KIRREL3: variants seen among roughly 807,000 people sequenced by gnomAD.
KIRREL3 encodes the protein kin of IRRE-like protein 3.
KIRREL3 carries 36 observed loss-of-function variants against 89.7 expected under a neutral mutation model. The observed-to-expected ratio is 0.40, with a 90% CI of 0.31 to 0.53. The LOEUF (loss-of-function observed/expected upper bound fraction) is 0.53. KIRREL3 is among the 20% of genes least tolerant of loss of function. The pLI is 0.49. For synonymous variants in KIRREL3, 445 were observed against 441.4 expected, an observed-to-expected ratio of 1.01 and a Z score of -0.10; for missense variants, 864 against 1,056.6, an observed-to-expected ratio of 0.82 and a Z score of 2.53.
chr11:126,962,826 C>A (rs1218675559), intron 1 of KIRREL3, among the ~76,000 whole-genome samples: 1 of 152,122 alleles, frequency 6.6e-6, no homozygotes, highest in Non-Finnish European at 1.5e-5. Flanking sequence ...AACCACCACC[C>A]TGATCAGTCA....
chr11:126,937,939 G>A (rs1351347910), intron 1 of KIRREL3, among the ~76,000 whole-genome samples: 19 of 152,124 alleles, frequency 1.2e-4, no homozygotes, highest in Non-Finnish European at 2.4e-4. Context: ...CAGTCATGTT[G>A]GTACTGCCAG....
At chr11:126,930,898 C>T (rs910484107) in intron 1 of KIRREL3, among the ~76,000 whole-genome samples, 8 of 152,210 alleles carry the variant, frequency 5.3e-5, no homozygotes, top group African/African-American at 1.7e-4. Context: ...TCCATTGCCT[C>T]CTCTGTACAT....
chr11:126,468,302 C>T (rs1163538460), intron 5 of KIRREL3, among the ~76,000 whole-genome samples: 1 of 152,224 alleles, frequency 6.6e-6, no homozygotes, highest in African/African-American at 2.4e-5. Context: ...CCCAGACAGC[C>T]CAGGGTTGAG....
chr11:126,597,946 G>GT (rs1942478387), intron 1 of KIRREL3, among the ~76,000 whole-genome samples: 17 of 152,212 alleles, frequency 1.1e-4, no homozygotes, highest in Admixed American at 1.1e-3. Context: ...ATCCTATGAG[G>GT]ATTGTACAGT....
Position 126,991,288 on chromosome 11 carries a change from T to A in KIRREL3, c.55+9167A>T, listed in dbSNP as rs1950028406. On this transcript the variant is annotated intron_variant, in intron 1 of 16. Coordinates refer to ENST00000525144, the MANE Select transcript of KIRREL3 (RefSeq NM_032531.4). This position sits in a 1 kb window ranked among gnomAD's most constrained non-coding sequence, Gnocchi z 5.8. ...GGGGCCCTCTCAGCATCTCTCCATG[T>A]GCTGATATTACAAGCACTGCTGGCT... is the stretch of plus-strand genomic sequence containing the variant. Among the ~76,000 whole-genome samples the A allele has an allele frequency of 6.6e-6, 1 of 152,146 alleles. No homozygotes were observed. The highest frequency in any genetic ancestry group is 1.5e-5 in the Non-Finnish European group (1 of 68,032).
In KIRREL3 at chr11:126,908,639, G is replaced by T. The variant is rs1056454207; in HGVS notation, c.55+91816C>A. On this transcript the variant is annotated intron_variant, in intron 1 of 16. Coordinates refer to ENST00000525144, the MANE Select transcript of KIRREL3 (RefSeq NM_032531.4). This position sits in a 1 kb window ranked among gnomAD's most constrained non-coding sequence, Gnocchi z 4.2. ...GAAAGTCACAAAAGGTAAGTGATTT[G>T]CTCAAAATCACAAATTCATTCATTT... Among the ~76,000 whole-genome samples, 4 of 152,192 alleles carry T rather than the reference G, an allele frequency of 2.6e-5. No individual in the cohort carries two copies. The highest frequency in any genetic ancestry group is 5.9e-5 in the Non-Finnish European group (4 of 68,030).
In KIRREL3 at chr11:126,606,920, G is replaced by C. The variant is rs914255873; in HGVS notation, c.56-44008C>G. Among the ~76,000 whole-genome samples the C allele has an allele frequency of 8.5e-5, 13 of 152,082 alleles. No homozygotes were observed. The highest frequency in any genetic ancestry group is 3.1e-4 in the African/African-American group (13 of 41,410). On this transcript the variant is annotated intron_variant, in intron 1 of 16. Coordinates refer to ENST00000525144, the MANE Select transcript of KIRREL3 (RefSeq NM_032531.4). The surrounding 1 kb of genome is among the most constrained non-coding windows in gnomAD (Gnocchi z 4.6). ...GAAAGGGGAGAAGCTCAGATGATGG[G>C]AAGGGGCGGGGGTGGCCAGGCAGTG... is the stretch of plus-strand genomic sequence containing the variant.
chr11:126,787,616 T>C (rs1950521085), intron 1 of KIRREL3, among the ~76,000 whole-genome samples: 1 of 152,236 alleles, frequency 6.6e-6, no homozygotes, highest in South Asian at 2.1e-4. Flanking sequence ...GTTCTTTCAA[T>C]TCCTTGGTTA....
intron 1 of KIRREL3, among the ~76,000 whole-genome samples, chr11:126,800,945 G>A (rs778141824): frequency 3.3e-5 from 5 of 152,184 alleles, no homozygotes; most frequent in African/African-American, 9.7e-5. Flanking sequence ...GCTGTTGGAG[G>A]TTGGTGAGGG....
intron 1 of KIRREL3, among the ~76,000 whole-genome samples, chr11:126,602,483 C>T (rs1004015687): frequency 2.6e-5 from 4 of 152,232 alleles, no homozygotes; most frequent in Non-Finnish European, 1.5e-5. Context: ...CACAACCATC[C>T]TGTGCTGTCA....
At chr11:126,436,135 A>G (rs1955325232) in intron 12 of KIRREL3, among the ~76,000 whole-genome samples, 2 of 152,176 alleles carry the variant, frequency 1.3e-5, no homozygotes, top group African/African-American at 4.8e-5. Flanking sequence ...ACGGGGGCAC[A>G]GTGGGGTGAG....
At chr11:126,828,536 C>G (rs1004926673) in intron 1 of KIRREL3, among the ~76,000 whole-genome samples, 2 of 152,070 alleles carry the variant, frequency 1.3e-5, no homozygotes, top group Admixed American at 6.6e-5. Context: ...ACAGCAGGAC[C>G]AGGGGAGTGG....
chr11:126,911,982 C>CAAAAAAAAAAAAAAA (rs34548052), intron 1 of KIRREL3, among the ~76,000 whole-genome samples: 1 of 91,732 alleles, frequency 1.1e-5, no homozygotes, highest in Non-Finnish European at 2.0e-5. Flanking sequence ...GACTCTGTCT[C>CAAAAAAAAAAAAAAA]AAAAAAAAAA....
chr11:126,654,344 T>G (rs967522239), intron 1 of KIRREL3, among the ~76,000 whole-genome samples: 3 of 151,972 alleles, frequency 2.0e-5, no homozygotes, highest in Middle Eastern at 6.8e-3. Context: ...AAAGTTTTTT[T>G]TTTTTTTTTT....
Position 126,462,261 on chromosome 11 carries a change from T to C in KIRREL3, c.742+896A>G, listed in dbSNP as rs1956571979. On this transcript the variant is annotated intron_variant, in intron 6 of 16. Coordinates refer to ENST00000525144, the MANE Select transcript of KIRREL3 (RefSeq NM_032531.4). The surrounding 1 kb of genome is among the most constrained non-coding windows in gnomAD (Gnocchi z 4.8). The stretch of plus-strand genomic sequence containing the variant: ...TGGAGAGGATGTTACCAGGGTGGAC[T>C]CTGGAAATCTATGCTACCTAAGTGG... Among the ~76,000 whole-genome samples, 1 of 152,082 alleles carries C rather than the reference T, an allele frequency of 6.6e-6. No individual in the cohort carries two copies. The highest frequency in any genetic ancestry group is 1.9e-4 in the East Asian group (1 of 5,186).
At position 126,668,741 on chromosome 11, in the gene KIRREL3, C is replaced by CTTTCTTTTTCTTTCTTTCTTTCTT. The variant is rs138806999; in HGVS notation, c.56-105830_56-105829insAAGAAAGAAAGAAAGAAAAAGAAA. Among the ~76,000 whole-genome samples, 3 of 130,808 alleles carry CTTTCTTTTTCTTTCTTTCTTTCTT rather than the reference C, an allele frequency of 2.3e-5. No homozygotes were observed. Among genetic ancestry groups the CTTTCTTTTTCTTTCTTTCTTTCTT allele is most frequent in the African/African-American group, 8.3e-5 (3 of 36,124 alleles). 85.8% of individuals were successfully genotyped at this position (130,808 alleles called of 152,430 possible). ...TCTTTCTTTCTTTCTTTCTTTCTTT[C>CTTTCTTTTTCTTTCTTTCTTTCTT]TTTCTTTCTTTCTTTTTTCTCTTTC... On this transcript the variant is annotated intron_variant, in intron 1 of 16. Coordinates refer to ENST00000525144, the MANE Select transcript of KIRREL3 (RefSeq NM_032531.4). The surrounding 1 kb of genome is among the most constrained non-coding windows in gnomAD (Gnocchi z 4.4).
rs1028523836 is a variant in KIRREL3, at chr11:126,890,357, T to C, written c.55+110098A>G. On this transcript the variant is annotated intron_variant, in intron 1 of 16. Transcript: ENST00000525144. The surrounding 1 kb of genome is among the most constrained non-coding windows in gnomAD (Gnocchi z 5.1). ...ATGCCAGAGTCTAGAGGGAAGAGCT[T>C]GGGGCTCAGAGACTGAGCAGTCCTG... Among the ~76,000 whole-genome samples, 1 of 152,196 alleles carries C rather than the reference T, an allele frequency of 6.6e-6. No homozygotes were observed. Among genetic ancestry groups the C allele is most frequent in the Non-Finnish European group, 1.5e-5 (1 of 68,034 alleles).
chr11:126,488,499 C>T (rs1428929831), intron 4 of KIRREL3, among the ~76,000 whole-genome samples: 1 of 152,252 alleles, frequency 6.6e-6, no homozygotes, highest in Non-Finnish European at 1.5e-5. Context: ...AAGACAAAGG[C>T]TGCTGCTGAA....
rs1454215649 is a variant in KIRREL3, at chr11:126,601,668, C to T, written c.56-38756G>A. Among the ~76,000 whole-genome samples, 2 of 152,224 alleles carry T rather than the reference C, an allele frequency of 1.3e-5. No homozygotes were observed. Among genetic ancestry groups the T allele is most frequent in the Admixed American group, 6.5e-5 (1 of 15,286 alleles). ...GGAGGCCTCACAGTGTCCTGGCCCC[C>T]TCTGCCCACTTGCCGCCCCTCCTCC... On this transcript the variant is annotated intron_variant, in intron 1 of 16. Transcript: ENST00000525144. This position sits in a 1 kb window ranked among gnomAD's most constrained non-coding sequence, Gnocchi z 5.8.
Sources: gnomAD v4.1 joint callset for allele counts (sites outside exome capture counted in the v4.1 genomes callset) on GRCh38, gnomAD v4.1.1 for gene constraint, Gnocchi (gnomAD v3.1) non-coding constraint, MANE v1.5 for transcripts, NCBI Gene and HGNC (gene_info 2026-07-23, HGNC 2026-07-21) for gene names.